MSRB3: variants seen among roughly 807,000 people sequenced by gnomAD.
MSRB3 encodes the protein methionine-R-sulfoxide reductase B3.
In MSRB3, 13 loss-of-function variants were observed where a neutral mutation model predicts 21.0. That is an observed-to-expected ratio of 0.62 (90% CI 0.40 to 0.98). The LOEUF is 0.98. MSRB3 is among the 50% of genes least tolerant of loss of function. The pLI is 0.00. For synonymous variants in MSRB3, 87 were observed against 88.6 expected, an observed-to-expected ratio of 0.98 and a Z score of 0.10; for missense variants, 199 against 230.3, an observed-to-expected ratio of 0.86 and a Z score of 0.88.
chr12:65,292,303 C>T (rs1320908451), intron 1 of MSRB3, among the ~76,000 whole-genome samples: 1 of 152,112 alleles, frequency 6.6e-6, no homozygotes, highest in African/African-American at 2.4e-5. Flanking sequence ...TCAGTTTTGT[C>T]ACTTATAGAA....
intron 5 of MSRB3, among the ~76,000 whole-genome samples, chr12:65,433,883 T>C (rs1881998919): frequency 6.6e-6 from 1 of 151,816 alleles, no homozygotes; most frequent in Admixed American, 6.6e-5. Context: ...CCTCACTAGA[T>C]GTGGCAGTTC....
intron 4 of MSRB3, among the ~76,000 whole-genome samples, chr12:65,355,487 A>G (rs1037412627): frequency 4.6e-5 from 7 of 151,730 alleles, no homozygotes; most frequent in Non-Finnish European, 8.8e-5. Flanking sequence ...TTTATATTTC[A>G]TCTTCATTAT....
intron 5 of MSRB3, among the ~76,000 whole-genome samples, chr12:65,450,257 C>T (rs568409868): frequency 1.3e-5 from 2 of 152,152 alleles, no homozygotes; most frequent in South Asian, 2.1e-4. Flanking sequence ...AGTAGTATGA[C>T]GTTATATCTG....
chr12:65,418,891 G>A, intron 5 of MSRB3: 1 of 738,692 alleles, frequency 1.4e-6, no homozygotes, highest in Non-Finnish European at 2.4e-6. Flanking sequence ...GGCAATCTCA[G>A]CCTCCAGCTT....
chr12:65,419,350 AG>A (rs1267049416), intron 5 of MSRB3: 5 of 757,608 alleles, frequency 6.6e-6, no homozygotes, highest in Non-Finnish European at 1.2e-5. Context: ...CTGGGCTTGT[AG>A]GCCTTTTACT....
intron 6 of MSRB3, 62 bp downstream of exon 6, chr12:65,453,887 A>T: frequency 7.3e-7 from 1 of 1,377,194 alleles, no homozygotes; most frequent in Non-Finnish European, 1.0e-6. Context: ...TGTGCTAAAT[A>T]TAGCAACTAA....
At chr12:65,457,160 G>A (rs1257180338) in intron 6 of MSRB3, among the ~76,000 whole-genome samples, 1 of 151,858 alleles carries the variant, frequency 6.6e-6, no homozygotes, top group Non-Finnish European at 1.5e-5. Flanking sequence ...TTACCTTACA[G>A]TTTTTCAGTT....
rs1013865659 is a variant in MSRB3, at chr12:65,375,613, C to T, written c.292+6587C>T. 1.3e-4 allele frequency among the ~76,000 whole-genome samples: 19 copies of T among 151,762 alleles called. No individual in the cohort carries two copies. The East Asian group carries it at 3.5e-3, about 28-fold the overall frequency. ...CACCATGCCGGGCCAATTTAAAAAA[C>T]ATTTTTGTAGAGACTGGATCTTGCC... On this transcript the variant is annotated intron_variant, in intron 5 of 6. Coordinates refer to ENST00000308259, the MANE Select transcript of MSRB3 (RefSeq NM_001031679.3).
chr12:65,345,856 GT>G (rs1457412144), intron 4 of MSRB3, among the ~76,000 whole-genome samples: 1 of 152,114 alleles, frequency 6.6e-6, no homozygotes, highest in Non-Finnish European at 1.5e-5. Context: ...CCTTGTGATA[GT>G]TTGCTGAGAA....
At chr12:65,358,639 A>G (rs1404860823) in intron 4 of MSRB3, among the ~76,000 whole-genome samples, 1 of 151,866 alleles carries the variant, frequency 6.6e-6, no homozygotes, top group Non-Finnish European at 1.5e-5. Flanking sequence ...TAGTCCTAGA[A>G]TCAGCCATTT....
intron 5 of MSRB3, among the ~76,000 whole-genome samples, chr12:65,433,757 C>T (rs541634190): frequency 6.6e-6 from 1 of 152,052 alleles, no homozygotes; most frequent in South Asian, 2.1e-4. Context: ...CTACACTGCT[C>T]CCTTCCCCAG....
chr12:65,380,908 T>C (rs1165584020), intron 5 of MSRB3, among the ~76,000 whole-genome samples: 1 of 152,146 alleles, frequency 6.6e-6, no homozygotes, highest in East Asian at 1.9e-4. Flanking sequence ...ATGAAAACAA[T>C]GTTTTATGCT....
Position 65,463,307 on chromosome 12 carries a change from C to G in MSRB3, c.543C>G (p.Asp181Glu). Residue 181 changes from aspartate (D) to glutamate (E), a missense_variant, in exon 7 of 7, where the codon GAC becomes GAG. Asp to Glu is a conservative substitution (Grantham distance 45). Coordinates refer to ENST00000308259, the MANE Select transcript of MSRB3 (RefSeq NM_001031679.3). ...GSGVASPAQA[D>E]KAEL ...GGGTCGCCAGCCCGGCCCAGGCAGA[C>G]AAAGCGGAGCTCTAGAGTAATGGAG... is the stretch of plus-strand genomic sequence containing the variant. The G allele has an allele frequency of 6.2e-7, 1 of 1,614,124 alleles. No homozygotes were observed. The highest frequency in any genetic ancestry group is 1.1e-5 in the South Asian group (1 of 91,080).
intron 1 of MSRB3, among the ~76,000 whole-genome samples, chr12:65,304,588 A>G (rs965307807): frequency 6.6e-6 from 1 of 152,232 alleles, no homozygotes; most frequent in Non-Finnish European, 1.5e-5. Flanking sequence ...TGTAAATGTC[A>G]TTCATCCATG....
At position 65,337,667 on chromosome 12, in the gene MSRB3, T is replaced by G. The variant is rs997604034; in HGVS notation, c.263+9064T>G. Among the ~76,000 whole-genome samples the G allele has an allele frequency of 1.8e-4, 27 of 152,234 alleles. No homozygotes were observed. In the East Asian group the frequency reaches 2.9e-3, roughly 16 times the overall value. On this transcript the variant is annotated intron_variant, in intron 4 of 6. Coordinates refer to ENST00000308259, the MANE Select transcript of MSRB3 (RefSeq NM_001031679.3). Reference sequence around the variant, plus strand: ...TGTGAAAACTGCCACTTTAAATAAATGTACACAGTAAGCCATAAACAGCAT... The same window carrying G: ...TGTGAAAACTGCCACTTTAAATAAAGGTACACAGTAAGCCATAAACAGCAT...
chr12:65,435,797 G>A (rs767638575), intron 5 of MSRB3, among the ~76,000 whole-genome samples: 15 of 151,856 alleles, frequency 9.9e-5, no homozygotes, highest in Non-Finnish European at 1.8e-4. Context: ...AGCAATAAAA[G>A]ATAAGGCTAG....
chr12:65,451,832 T>A (rs1366381277), intron 5 of MSRB3, among the ~76,000 whole-genome samples: 2 of 152,216 alleles, frequency 1.3e-5, no homozygotes, highest in African/African-American at 4.8e-5. Context: ...CATTTGCTTA[T>A]TTAAGGCTAA....
chr12:65,378,527 A>G (rs1352169289), intron 5 of MSRB3, among the ~76,000 whole-genome samples: 1 of 152,218 alleles, frequency 6.6e-6, no homozygotes. Flanking sequence ...TAATGATATG[A>G]TTATAAAACA....
chr12:65,349,178 G>A (rs950393950), intron 4 of MSRB3, among the ~76,000 whole-genome samples: 6 of 151,870 alleles, frequency 4.0e-5, no homozygotes, highest in East Asian at 1.9e-4. Flanking sequence ...TTGTTCTTGC[G>A]ATAGTTTACT....
Sources: gnomAD v4.1 joint callset for allele counts (sites outside exome capture counted in the v4.1 genomes callset) on GRCh38, gnomAD v4.1.1 for gene constraint, MANE v1.5 for transcripts, NCBI Gene and HGNC (gene_info 2026-07-23, HGNC 2026-07-21) for gene names.